The following DCAF17 variants were observed in gnomAD, a reference collection of about 807,000 sequenced individuals.
The protein encoded by DCAF17 is DDB1- and CUL4-associated factor 17.
DCAF17 carries 48 observed loss-of-function variants against 66.0 expected under a neutral mutation model. The ratio of observed to expected loss-of-function variants is 0.73; its 90% CI spans 0.58 to 0.92. The LOEUF (loss-of-function observed/expected upper bound fraction) is 0.92, where lower values mean the gene tolerates loss of function less well. Ranked by LOEUF, DCAF17 falls within the 40% of genes least tolerant of loss-of-function variation. The probability of loss-of-function intolerance (pLI) is 0.00; values close to 1 mark genes in which losing one functional copy is unlikely to be tolerated. For synonymous variants in DCAF17, 206 were observed against 214.6 expected, an observed-to-expected ratio of 0.96 and a Z score of 0.35; for missense variants, 562 against 622.8, an observed-to-expected ratio of 0.90 and a Z score of 1.04.
intron 6 of DCAF17, among the ~76,000 whole-genome samples, chr2:171,454,730 C>T (rs1695151467): frequency 6.6e-6 from 1 of 151,584 alleles, no homozygotes. Context: ...AGCCCCGTCT[C>T]TACTAAAAAT....
In DCAF17 at chr2:171,482,836, A is replaced by G. The variant is rs773991916; in HGVS notation, c.*1722A>G. ...AGATGGTGGAATACTTCTGGTCTAG[A>G]TATAACTTACCACTAAGAAACCCCC... On this transcript the variant is annotated 3_prime_UTR_variant, in exon 14 of 14. Coordinates refer to ENST00000375255, the MANE Select transcript of DCAF17 (RefSeq NM_025000.4). 6.6e-6 allele frequency: 3 copies of G among 453,948 alleles called. No homozygotes were observed. Among genetic ancestry groups the G allele is most frequent in the African/African-American group, 2.0e-5 (1 of 49,992 alleles). 28.1% of individuals were successfully genotyped at this position (453,948 alleles called of 1,614,324 possible).
chr2:171,449,786 TA>T (rs1694842276), intron 4 of DCAF17, 92 bp from the exon 5 acceptor site: 2 of 818,386 alleles, frequency 2.4e-6, no homozygotes, highest in Non-Finnish European at 3.7e-6. Context: ...TTTAAATAAC[TA>T]AAAAATAGTT....
chr2:171,472,772 G>C (rs531465211), intron 9 of DCAF17: 1 of 178,602 alleles, frequency 5.6e-6, no homozygotes, highest in Non-Finnish European at 1.3e-5. Flanking sequence ...CTAGAACATA[G>C]TAGCCTATCA....
At chr2:171,452,988 A>C in intron 5 of DCAF17, 136 bp from the exon 6 acceptor site, 1 of 550,854 alleles carries the variant, frequency 1.8e-6, no homozygotes, top group Non-Finnish European at 3.1e-6. Flanking sequence ...TGCAATCTAG[A>C]TAGATGGTTG....
At chr2:171,479,076 G>A (rs1013614168) in intron 12 of DCAF17, among the ~76,000 whole-genome samples, 6 of 152,196 alleles carry the variant, frequency 3.9e-5, no homozygotes, top group African/African-American at 1.2e-4. Flanking sequence ...GTCACCCTTT[G>A]AAGTTTGACC....
Position 171,476,953 on chromosome 2 carries a change from A to C in DCAF17, c.1182+3A>C. On this transcript the variant is annotated splice_donor_region_variant and intron_variant, in intron 11 of 13. Transcript: ENST00000375255. Reference sequence around the variant, plus strand: ...TGGCCAACAGGGAGAACCATAAAGTAAGTCAAGAGTACTTTAAAATCCTTT... The same window carrying C: ...TGGCCAACAGGGAGAACCATAAAGTCAGTCAAGAGTACTTTAAAATCCTTT... 6.2e-7 allele frequency: 1 copy of C among 1,602,650 alleles called. No individual in the cohort carries two copies. The highest frequency in any genetic ancestry group is 8.5e-7 in the Non-Finnish European group (1 of 1,169,816).
At chr2:171,463,223 T>A (rs4404240) in intron 8 of DCAF17, among the ~76,000 whole-genome samples, 28,317 of 141,748 alleles carry the variant, frequency 0.2, 2,921 homozygotes, top group South Asian at 0.28. Context: ...GAGCGAGATT[T>A]TAAAAAAAAA....
chr2:171,476,838 A>G (rs763703917), intron 10 of DCAF17, 22 bp from the exon 11 acceptor site: 1 of 1,587,960 alleles, frequency 6.3e-7, no homozygotes, highest in Admixed American at 1.7e-5. Flanking sequence ...TTAGGTTCTC[A>G]GAATCCTTTT....
chr2:171,479,225 A>G (rs934830203), intron 12 of DCAF17, among the ~76,000 whole-genome samples: 17 of 152,224 alleles, frequency 1.1e-4, no homozygotes, highest in African/African-American at 4.1e-4. Context: ...TTGACCAAAC[A>G]TAGGTGAAGA....
rs1230939813 is a variant in DCAF17, at chr2:171,480,970, A to G, written c.1423-4A>G. The G allele has an allele frequency of 1.2e-6, 2 of 1,613,530 alleles. No individual in the cohort carries two copies. Among genetic ancestry groups the G allele is most frequent in the Non-Finnish European group, 1.7e-6 (2 of 1,179,580 alleles). ...GGACTCCATATGATTGTGTTTTGTTACAGACATATAGCCATGAAGTCTACT... is the reference window on the plus strand; with the variant it reads ...GGACTCCATATGATTGTGTTTTGTTGCAGACATATAGCCATGAAGTCTACT... On this transcript the variant is annotated splice_polypyrimidine_tract_variant and splice_region_variant and intron_variant, in intron 13 of 13. Transcript: ENST00000375255.
chr2:171,463,689 A>C (rs1695731196), intron 8 of DCAF17, among the ~76,000 whole-genome samples: 1 of 152,228 alleles, frequency 6.6e-6, no homozygotes, highest in Non-Finnish European at 1.5e-5. Flanking sequence ...TGTGATTACA[A>C]ATAGCATATT....
chr2:171,464,072 C>G (rs1209345321), intron 8 of DCAF17, among the ~76,000 whole-genome samples: 2 of 152,162 alleles, frequency 1.3e-5, no homozygotes, highest in Non-Finnish European at 2.9e-5. Context: ...ATTTGGCCAA[C>G]AGAAACTCCA....
chr2:171,471,796 C>T (rs1177936890), intron 9 of DCAF17, among the ~76,000 whole-genome samples: 1 of 152,118 alleles, frequency 6.6e-6, no homozygotes, highest in Non-Finnish European at 1.5e-5. Context: ...AGGCAGATGG[C>T]TTGAGCCCAG....
In DCAF17 at chr2:171,484,521, A is replaced by G. The variant is rs1204538758; in HGVS notation, c.*3407A>G. 1 of 450,344 alleles carries G rather than the reference A, an allele frequency of 2.2e-6. No individual in the cohort carries two copies. Among genetic ancestry groups the G allele is most frequent in the Non-Finnish European group, 4.4e-6 (1 of 225,622 alleles). The allele number at this position is 450,344 out of a possible 1,614,324, so 27.9% of individuals were successfully genotyped here. On this transcript the variant is annotated 3_prime_UTR_variant, in exon 14 of 14. Transcript: ENST00000375255. Reference sequence around the variant, plus strand: ...CAAAATAAATTGCAGTTGCTGATATACTTCCCCCTAGTACTTCAACTGCAG... The same window carrying G: ...CAAAATAAATTGCAGTTGCTGATATGCTTCCCCCTAGTACTTCAACTGCAG...
At chr2:171,435,002 CATT>C (rs567828953) in intron 1 of DCAF17, 78 bp from the exon 2 acceptor site, 2 of 1,198,138 alleles carry the variant, frequency 1.7e-6, no homozygotes, top group Non-Finnish European at 2.4e-6. Context: ...ATATAGGTGA[CATT>C]ATGTTGCTTT....
chr2:171,483,440 G>A lies in DCAF17; in HGVS notation c.*2326G>A. 4.4e-6 allele frequency: 2 copies of A among 454,092 alleles called. No homozygotes were observed. The highest frequency in any genetic ancestry group is 3.1e-5 in the South Asian group (2 of 64,468). 28.1% of individuals were successfully genotyped at this position (454,092 alleles called of 1,614,324 possible). A position where few individuals can be genotyped will look rare whatever the true frequency, so the allele number is the denominator to read the frequency against. On this transcript the variant is annotated 3_prime_UTR_variant, in exon 14 of 14. Coordinates refer to ENST00000375255, the MANE Select transcript of DCAF17 (RefSeq NM_025000.4). ...AGGTGCATTCTGCATTGCACTCCTGGATCTAAGTTTCTGCATTCTCAGAGC... is the reference window on the plus strand; with the variant it reads ...AGGTGCATTCTGCATTGCACTCCTGAATCTAAGTTTCTGCATTCTCAGAGC...
Position 171,480,054 on chromosome 2 carries a change from A to G in DCAF17, c.1283A>G (p.Asp428Gly). 1 of 1,613,612 alleles carries G rather than the reference A, an allele frequency of 6.2e-7. No homozygotes were observed. The highest frequency in any genetic ancestry group is 8.5e-7 in the Non-Finnish European group (1 of 1,179,684). ...ATCCCAAAGACTTTCAAAATTGTGG[A>G]CTATGAAGATGAGTTAGATTTGCTT... The part of the protein sequence containing the change: ...DPEQETFKIV[D>G]YEDELDLLSV... Residue 428 changes from aspartate (D) to glycine (G), a missense_variant, in exon 13 of 14, where the codon GAC becomes GGC. Physicochemically the swap from Asp to Gly is moderately conservative, Grantham distance 94 (BLOSUM62 -1). This residue lies in a region of DCAF17 where 201 missense variants were observed against 231.1 expected (regional missense o/e 0.87). Coordinates refer to ENST00000375255, the MANE Select transcript of DCAF17 (RefSeq NM_025000.4).
intron 6 of DCAF17, among the ~76,000 whole-genome samples, chr2:171,457,430 G>T (rs1574360554): frequency 6.6e-6 from 1 of 152,090 alleles, no homozygotes; most frequent in South Asian, 2.1e-4. Flanking sequence ...AAGAATAATA[G>T]AAAAATATGC....
intron 2 of DCAF17, among the ~76,000 whole-genome samples, chr2:171,437,532 A>G (rs567201727): frequency 4.6e-5 from 7 of 152,346 alleles, no homozygotes; most frequent in Admixed American, 1.3e-4. Context: ...GGAATTAACC[A>G]TTGAAAGCAT....
Sources: gnomAD v4.1 joint callset for allele counts (sites outside exome capture counted in the v4.1 genomes callset) on GRCh38, gnomAD v4.1.1 for gene constraint, gnomAD v4.1.1 regional missense constraint, MANE v1.5 for transcripts, NCBI Gene and HGNC (gene_info 2026-07-23, HGNC 2026-07-21) for gene names.